TUSC3: variants seen among roughly 807,000 people sequenced by gnomAD.
TUSC3 encodes the protein dolichyl-diphosphooligosaccharide--protein glycosyltransferase subunit TUSC3.
A neutral mutation model predicts 44.8 loss-of-function variants in TUSC3; 45 were observed. The ratio of observed to expected loss-of-function variants is 1.00; its 90% confidence interval spans 0.79 to 1.29. TUSC3 has a LOEUF of 1.29. Among genes scored for constraint, TUSC3 ranks in the 50% most tolerant of loss-of-function variants. The pLI, the probability that TUSC3 is intolerant of heterozygous loss-of-function variation, is 0.00. For missense variants in TUSC3, 519 were observed against 437.9 expected, an observed-to-expected ratio of 1.19 and a Z score of -1.65; for synonymous variants, 212 against 152.9, an observed-to-expected ratio of 1.39 and a Z score of -2.85.
At chr8:15,665,001 A>T (rs1017149949) in intron 5 of TUSC3, among the ~76,000 whole-genome samples, 6 of 151,432 alleles carry the variant, frequency 4.0e-5, no homozygotes, top group African/African-American at 1.5e-4. Context: ...TACTTTTGAG[A>T]TTTCCTTAGA....
At chr8:15,838,187 T>C in the TUSC3 span, among the ~76,000 whole-genome samples, 1 of 152,172 alleles carries the variant, frequency 6.6e-6, no homozygotes, top group Non-Finnish European at 1.5e-5. Context: ...CAGATTTTGT[T>C]ATTGTAAGCA....
At chr8:15,512,912 ATGT>A (rs1240324777) in intron 2 of TUSC3, among the ~76,000 whole-genome samples, 5 of 110,822 alleles carry the variant, frequency 4.5e-5, no homozygotes, top group Non-Finnish European at 9.1e-5. Context: ...GTGTATATAT[ATGT>A]ATCTATATAT....
the TUSC3 span, among the ~76,000 whole-genome samples, chr8:15,843,621 T>TATATATATACATACAC: frequency 6.8e-6 from 1 of 146,734 alleles, no homozygotes; most frequent in African/African-American, 2.6e-5. Context: ...TATATATATA[T>TATATATATACATACAC]ACACGCACAT....
chr8:15,445,004 C>A (rs1202361725), intron 1 of TUSC3, among the ~76,000 whole-genome samples: 1 of 152,060 alleles, frequency 6.6e-6, no homozygotes, highest in East Asian at 1.9e-4. Flanking sequence ...TGTGCTATGT[C>A]AGTTTAGGTA....
intron 4 of TUSC3, among the ~76,000 whole-genome samples, chr8:15,660,619 C>T (rs960934390): frequency 1.2e-4 from 18 of 151,934 alleles, no homozygotes; most frequent in African/African-American, 4.3e-4. Context: ...CACATTTGTT[C>T]TGAGTCAAGG....
chr8:15,429,308 T>A (rs1183706549), intron 1 of TUSC3, among the ~76,000 whole-genome samples: 1 of 152,076 alleles, frequency 6.6e-6, no homozygotes, highest in East Asian at 1.9e-4. Flanking sequence ...CTGAGGGCTC[T>A]GTTCTGTTCC....
At chr8:15,587,796 A>G (rs73540540) in intron 1 of TUSC3, among the ~76,000 whole-genome samples, 7,486 of 152,116 alleles carry the variant, frequency 0.049, 266 homozygotes, top group African/African-American at 0.1. Context: ...TTTTTTCCAC[A>G]TATGATTGAG....
the TUSC3 span, among the ~76,000 whole-genome samples, chr8:15,848,626 G>A: frequency 2.0e-5 from 3 of 152,142 alleles, no homozygotes; most frequent in Non-Finnish European, 4.4e-5. Flanking sequence ...CTGTGTGGGT[G>A]ATCTGTCTTA....
intron 3 of TUSC3, among the ~76,000 whole-genome samples, chr8:15,651,611 G>A (rs1806907226): frequency 1.3e-5 from 2 of 152,202 alleles, no homozygotes; most frequent in Non-Finnish European, 2.9e-5. Context: ...AGAACACAGC[G>A]AGAAGATGGT....
the TUSC3 span, among the ~76,000 whole-genome samples, chr8:15,786,786 T>TA: frequency 3.5e-3 from 518 of 149,314 alleles, 1 homozygote; most frequent in African/African-American, 0.012. Context: ...TGCTAAAAAT[T>TA]AAAAAAAAAT....
chr8:15,809,257 A>G, the TUSC3 span, among the ~76,000 whole-genome samples: 3 of 152,324 alleles, frequency 2.0e-5, no homozygotes, highest in Admixed American at 2.0e-4. Flanking sequence ...TTCCCTGGTC[A>G]GGTCACAGTA....
In TUSC3 at chr8:15,540,448, T is replaced by C. The variant is rs1241345634; in HGVS notation, c.18T>C (p.Ala6=). The part of the protein sequence containing the change: MGARG[A]PSRRRQAGRR... ...CTGCCGCGATGGGGGCCCGGGGCGCTCCTTCACGCCGTAGGCAAGCGGGGC... is the reference window on the plus strand; with the variant it reads ...CTGCCGCGATGGGGGCCCGGGGCGCCCCTTCACGCCGTAGGCAAGCGGGGC... Residue 6 remains alanine (A), a synonymous_variant, in exon 1 of 11, where the codon GCT becomes GCC. Transcript: ENST00000503731. 1.2e-6 allele frequency: 2 copies of C among 1,600,956 alleles called. No individual in the cohort carries two copies. The highest frequency in any genetic ancestry group is 1.7e-6 in the Non-Finnish European group (2 of 1,174,846).
the TUSC3 span, among the ~76,000 whole-genome samples, chr8:15,847,738 A>G: frequency 1.3e-5 from 2 of 152,076 alleles, no homozygotes; most frequent in African/African-American, 4.8e-5. Flanking sequence ...CAAATTATGG[A>G]TCTCAATTTT....
chr8:15,662,330 G>A (rs370650939), intron 5 of TUSC3, 34 bp downstream of exon 5: 2 of 1,611,048 alleles, frequency 1.2e-6, no homozygotes. Flanking sequence ...TTTATTTCCT[G>A]TTCTTTGTGT....
chr8:15,831,444 CGGCTGAGATG>C, the TUSC3 span, among the ~76,000 whole-genome samples: 1 of 151,978 alleles, frequency 6.6e-6, no homozygotes, highest in Non-Finnish European at 1.5e-5. Flanking sequence ...GTTCTGAACT[CGGCTGAGATG>C]GGTGAAATGA....
At chr8:15,801,156 T>C in the TUSC3 span, among the ~76,000 whole-genome samples, 7 of 152,228 alleles carry the variant, frequency 4.6e-5, no homozygotes, top group Non-Finnish European at 8.8e-5. Context: ...TGGTTGCCCA[T>C]TTTTAATGGT....
At chr8:15,488,621 C>T (rs1405045876) in intron 2 of TUSC3, among the ~76,000 whole-genome samples, 1 of 152,108 alleles carries the variant, frequency 6.6e-6, no homozygotes. Context: ...TTTGGGAGCT[C>T]ATTAGTTTTA....
At chr8:15,748,668 A>AAG in intron 9 of TUSC3, 1 of 727,418 alleles carries the variant, frequency 1.4e-6, no homozygotes, top group African/African-American at 1.7e-5. Flanking sequence ...GTTCCCTGAC[A>AAG]GCATGTAGTT....
chr8:15,448,338 C>G (rs1800138838), intron 1 of TUSC3, among the ~76,000 whole-genome samples: 1 of 151,762 alleles, frequency 6.6e-6, no homozygotes, highest in African/African-American at 2.4e-5. Flanking sequence ...AGGCTGGTCT[C>G]AAACTCCCAG....
Sources: gnomAD v4.1 joint callset for allele counts (sites outside exome capture counted in the v4.1 genomes callset) on GRCh38, gnomAD v4.1.1 for gene constraint, MANE v1.5 for transcripts, NCBI Gene and HGNC (gene_info 2026-07-23, HGNC 2026-07-21) for gene names.